The following EHBP1 variants were observed in gnomAD, a reference collection of about 807,000 sequenced individuals.
EHBP1 encodes EH domain binding protein 1, also known as EH domain-binding protein 1.
Under a neutral mutation model 144.0 loss-of-function variants are expected in EHBP1, and 55 were observed. That is an observed-to-expected ratio of 0.38 (90% CI 0.31 to 0.48). The LOEUF (loss-of-function observed/expected upper bound fraction) is 0.48, where lower values mean the gene tolerates loss of function less well. Among genes scored for constraint, EHBP1 ranks in the 20% least tolerant of loss-of-function variants. The pLI is 0.98. For missense variants in EHBP1, 1,200 were observed against 1,364.2 expected, an observed-to-expected ratio of 0.88 and a Z score of 1.90; for synonymous variants, 469 against 472.7, an observed-to-expected ratio of 0.99 and a Z score of 0.10.
At chr2:62,832,438 C>CTTTTTTT (rs202005406) in intron 7 of EHBP1, among the ~76,000 whole-genome samples, 103 of 117,622 alleles carry the variant, frequency 8.8e-4, no homozygotes, top group African/African-American at 1.1e-3. Flanking sequence ...TTTCTTTTTT[C>CTTTTTTT]TTTTTTTTTT....
At chr2:62,885,584 T>C (rs951861391) in intron 10 of EHBP1, among the ~76,000 whole-genome samples, 10 of 152,276 alleles carry the variant, frequency 6.6e-5, no homozygotes, top group African/African-American at 2.4e-4. Context: ...GCAATTTAAG[T>C]TATTAGAAAA....
chr2:62,815,837 A>G (rs2045402627), intron 5 of EHBP1, among the ~76,000 whole-genome samples: 1 of 152,194 alleles, frequency 6.6e-6, no homozygotes, highest in Non-Finnish European at 1.5e-5. Context: ...GAGGTATTAT[A>G]TACTGCAGTG....
At chr2:62,984,437 G>C (rs2059106463) in intron 15 of EHBP1, among the ~76,000 whole-genome samples, 1 of 152,168 alleles carries the variant, frequency 6.6e-6, no homozygotes, top group Admixed American at 6.5e-5. Context: ...TTGCAAACCA[G>C]CTTCTGTTGT....
intron 5 of EHBP1, among the ~76,000 whole-genome samples, chr2:62,798,283 G>A (rs2043696406): frequency 6.6e-6 from 1 of 152,006 alleles, no homozygotes; most frequent in Non-Finnish European, 1.5e-5. Context: ...CACGAGAATC[G>A]CTTGAACCCA....
intron 15 of EHBP1, 106 bp from the exon 16 acceptor site, chr2:62,990,606 CTTCT>C (rs1270004981): frequency 1.7e-6 from 2 of 1,175,896 alleles, no homozygotes; most frequent in Non-Finnish European, 2.4e-6. Context: ...ATATCCTTTT[CTTCT>C]TTCTTTTAAA....
intron 7 of EHBP1, among the ~76,000 whole-genome samples, chr2:62,851,662 T>G (rs75828146): frequency 0.043 from 6,566 of 152,116 alleles, 200 homozygotes; most frequent in Non-Finnish European, 0.064. Context: ...AGATAAGTGG[T>G]TTTTTTTGGA....
At chr2:63,015,227 T>C (rs1350397499) in intron 19 of EHBP1, among the ~76,000 whole-genome samples, 1 of 152,188 alleles carries the variant, frequency 6.6e-6, no homozygotes, top group African/African-American at 2.4e-5. Context: ...AAATATTGCC[T>C]CTTAAGATAT....
chr2:62,806,221 T>TG (rs2044450099), intron 5 of EHBP1, among the ~76,000 whole-genome samples: 1 of 152,158 alleles, frequency 6.6e-6, no homozygotes, highest in Admixed American at 6.5e-5. Flanking sequence ...TAGACTCAAG[T>TG]GATCCTCTTG....
At chr2:63,019,779 G>C (rs1008601505) in intron 19 of EHBP1, among the ~76,000 whole-genome samples, 1 of 133,092 alleles carries the variant, frequency 7.5e-6, no homozygotes, top group Non-Finnish European at 1.6e-5. Context: ...AGGAGGGGAG[G>C]AGAAGGGAAA....
In EHBP1 at chr2:62,996,775, C is replaced by G; in HGVS notation, c.3103+9C>G. The G allele has an allele frequency of 6.2e-7, 1 of 1,609,326 alleles. No individual in the cohort carries two copies. ...CTATCTCATGGACACAGGTACGGTGCCCAATTACACTGTAAACAGTTTTGG... is the reference window on the plus strand; with the variant it reads ...CTATCTCATGGACACAGGTACGGTGGCCAATTACACTGTAAACAGTTTTGG... On this transcript the variant is annotated intron_variant, in intron 19 of 22. Transcript: ENST00000431489.
intron 5 of EHBP1, among the ~76,000 whole-genome samples, chr2:62,773,194 G>A (rs1273080494): frequency 2.0e-5 from 3 of 152,164 alleles, no homozygotes; most frequent in Admixed American, 2.0e-4. Flanking sequence ...ATTCTCACCT[G>A]GAAGATAGAC....
chr2:62,729,373 A>AATAATAAATATCATATTTATTATAT (rs1195127913), intron 2 of EHBP1, among the ~76,000 whole-genome samples: 60 of 123,934 alleles, frequency 4.8e-4, no homozygotes, highest in Admixed American at 5.2e-4. Flanking sequence ...AATATAATAT[A>AATAATAAATATCATATTTATTATAT]ATAATAAATA....
intron 3 of EHBP1, among the ~76,000 whole-genome samples, chr2:62,754,067 C>G (rs1221062258): frequency 6.6e-6 from 1 of 152,164 alleles, no homozygotes; most frequent in Non-Finnish European, 1.5e-5. Context: ...GGGAGAGGTG[C>G]TCTGATTTTT....
intron 7 of EHBP1, among the ~76,000 whole-genome samples, chr2:62,840,500 A>G (rs1397632946): frequency 6.7e-6 from 1 of 149,720 alleles, no homozygotes. Context: ...GGATCTAATT[A>G]AACTAAAGAG....
At chr2:62,960,848 A>G (rs1476293330) in intron 14 of EHBP1, among the ~76,000 whole-genome samples, 7 of 152,180 alleles carry the variant, frequency 4.6e-5, no homozygotes, top group Admixed American at 1.3e-4. Flanking sequence ...TACTTTTGCC[A>G]CTTGGGTACT....
chr2:62,904,271 G>A (rs574773946), intron 10 of EHBP1, among the ~76,000 whole-genome samples: 3 of 152,166 alleles, frequency 2.0e-5, no homozygotes, highest in Admixed American at 6.5e-5. Flanking sequence ...GAAATACTCC[G>A]AGTACTTCCT....
intron 10 of EHBP1, among the ~76,000 whole-genome samples, chr2:62,891,702 C>T (rs1161051608): frequency 6.6e-5 from 10 of 152,032 alleles, no homozygotes; most frequent in Admixed American, 4.6e-4. Context: ...GCTCCATTAG[C>T]GCTATTATCA....
chr2:62,721,814 C>T (rs910024197), intron 2 of EHBP1, among the ~76,000 whole-genome samples: 2 of 151,670 alleles, frequency 1.3e-5, no homozygotes, highest in African/African-American at 2.4e-5. Flanking sequence ...ATAAAATAAC[C>T]TTTTGATATC....
chr2:63,045,783 G>GC lies in EHBP1; in HGVS notation c.*283_*284insC. ...ACCTTGTGAGTGATTGGTATTGGAGGTGTTCAAGAAACTGTTCGAAAAAGA... is the reference window on the plus strand; with the variant it reads ...ACCTTGTGAGTGATTGGTATTGGAGGCTGTTCAAGAAACTGTTCGAAAAAGA... On this transcript the variant is annotated 3_prime_UTR_variant, in exon 23 of 23. Coordinates refer to ENST00000431489, the MANE Select transcript of EHBP1 (RefSeq NM_001142616.3). The surrounding 1 kb of genome is among the most constrained non-coding windows in gnomAD (Gnocchi z 5.7). 1 of 298,916 alleles carries GC rather than the reference G, an allele frequency of 3.3e-6. No individual in the cohort carries two copies. The highest frequency in any genetic ancestry group is 6.3e-6 in the Non-Finnish European group (1 of 159,014). The allele number at this position is 298,916 out of a possible 1,614,324, so 18.5% of individuals were successfully genotyped here. A position where few individuals can be genotyped will look rare whatever the true frequency, so the allele number is the denominator to read the frequency against.
Sources: allele counts gnomAD v4.1 joint callset (sites outside exome capture counted in the v4.1 genomes callset), GRCh38; gene constraint gnomAD v4.1.1; non-coding constraint Gnocchi (gnomAD v3.1); transcripts MANE v1.5; gene names NCBI Gene and HGNC (gene_info 2026-07-23, HGNC 2026-07-21).